Variants in ATP9A observed in about 807,000 individuals in gnomAD.
The protein encoded by ATP9A is ATPase phospholipid transporting 9A.
A neutral mutation model predicts 144.1 loss-of-function variants in ATP9A; 52 were observed. That is an observed-to-expected ratio of 0.36 (90% CI 0.29 to 0.45). The LOEUF is 0.45. ATP9A is among the 20% of genes least tolerant of loss of function. The probability of loss-of-function intolerance (pLI) is 1.00; values close to 1 mark genes in which losing one functional copy is unlikely to be tolerated. For synonymous variants in ATP9A, 582 were observed against 557.4 expected, an observed-to-expected ratio of 1.04 and a Z score of -0.62; for missense variants, 947 against 1,392.7, an observed-to-expected ratio of 0.68 and a Z score of 5.09.
chr20:51,702,288 T>A (rs1418400187), intron 4 of ATP9A, among the ~76,000 whole-genome samples: 1 of 113,486 alleles, frequency 8.8e-6, no homozygotes. Context: ...CAAGACTCTG[T>A]CTCAAAAAAA....
chr20:51,725,556 C>A (rs938853339), intron 3 of ATP9A, among the ~76,000 whole-genome samples: 4 of 152,182 alleles, frequency 2.6e-5, no homozygotes, highest in Non-Finnish European at 5.9e-5. Flanking sequence ...AATAAACATA[C>A]AATAAATCCT....
At chr20:51,606,008 G>A (rs952717732) in intron 26 of ATP9A, among the ~76,000 whole-genome samples, 1 of 151,892 alleles carries the variant, frequency 6.6e-6, no homozygotes, top group Non-Finnish European at 1.5e-5. Context: ...GGTGGCTTAC[G>A]CCTGTAATCC....
chr20:51,685,731 G>A (rs545170921), intron 9 of ATP9A, among the ~76,000 whole-genome samples: 51 of 152,324 alleles, frequency 3.3e-4, no homozygotes, highest in African/African-American at 1.1e-3. Flanking sequence ...TGACGGAGAG[G>A]ATGTGCAGAA....
intron 17 of ATP9A, among the ~76,000 whole-genome samples, chr20:51,626,043 T>TGCATTCCTGCACGCTGGATTTAG (rs1389053067): frequency 2.6e-5 from 4 of 152,222 alleles, no homozygotes; most frequent in Admixed American, 2.6e-4. Context: ...CTCCCTCCCT[T>TGCATTCCTGCACGCTGGATTTAG]GCATTCCTGC....
chr20:51,665,873 C>A (rs2077430828), intron 13 of ATP9A, among the ~76,000 whole-genome samples: 1 of 152,192 alleles, frequency 6.6e-6, no homozygotes, highest in African/African-American at 2.4e-5. Context: ...AGCTTTCCTG[C>A]AGGAATCTTT....
intron 3 of ATP9A, among the ~76,000 whole-genome samples, chr20:51,721,502 G>GA (rs1458744735): frequency 2.0e-5 from 3 of 151,946 alleles, no homozygotes; most frequent in Admixed American, 6.6e-5. Context: ...CACAGAATTA[G>GA]AAAAAACAAT....
intron 17 of ATP9A, among the ~76,000 whole-genome samples, chr20:51,625,755 G>T (rs2077245936): frequency 6.6e-6 from 1 of 152,158 alleles, no homozygotes; most frequent in Admixed American, 6.5e-5. Flanking sequence ...CCAAACTGTG[G>T]GTCACCAGGT....
In ATP9A at chr20:51,616,231, C is replaced by G. The variant is rs371805298; in HGVS notation, c.2415+1259G>C. 5.9e-5 allele frequency among the ~76,000 whole-genome samples: 9 copies of G among 152,302 alleles called. No homozygotes were observed. The South Asian group carries it at 1.9e-3, about 32-fold the overall frequency. ...GGGGAAAAAAAGCCCTATGGGTCAG[C>G]CAAAGTCATGAAGCTATGCAACAGG... On this transcript the variant is annotated intron_variant, in intron 22 of 27. Coordinates refer to ENST00000338821, the MANE Select transcript of ATP9A (RefSeq NM_006045.3).
intron 4 of ATP9A, among the ~76,000 whole-genome samples, chr20:51,703,752 T>G (rs1242351645): frequency 1.3e-5 from 2 of 152,122 alleles, no homozygotes; most frequent in Admixed American, 6.6e-5. Context: ...CCAAAAAAAT[T>G]TTTTTTAATA....
intron 1 of ATP9A, among the ~76,000 whole-genome samples, chr20:51,754,576 G>A (rs2077847814): frequency 6.6e-6 from 1 of 152,076 alleles, no homozygotes; most frequent in African/African-American, 2.4e-5. Context: ...ACTTTGAGAG[G>A]CCAAAAGTGG....
chr20:51,685,873 C>T (rs2122809835), intron 9 of ATP9A, among the ~76,000 whole-genome samples: 1 of 152,260 alleles, frequency 6.6e-6, no homozygotes, highest in East Asian at 1.9e-4. Flanking sequence ...TGGGTATATA[C>T]CCAAAGGATT....
At chr20:51,767,295 G>A (rs955068846) in intron 1 of ATP9A, among the ~76,000 whole-genome samples, 1 of 152,062 alleles carries the variant, frequency 6.6e-6, no homozygotes, top group Non-Finnish European at 1.5e-5. Context: ...CCTCACCTGC[G>A]CGGCCTGTGG....
intron 1 of ATP9A, among the ~76,000 whole-genome samples, chr20:51,742,801 C>T (rs1334589433): frequency 1.3e-5 from 2 of 152,172 alleles, no homozygotes; most frequent in African/African-American, 2.4e-5. Flanking sequence ...AGGCATGAGC[C>T]GCCGCACCTG....
intron 2 of ATP9A, among the ~76,000 whole-genome samples, chr20:51,727,940 A>G (rs1601131519): frequency 6.6e-6 from 1 of 152,124 alleles, no homozygotes; most frequent in Middle Eastern, 3.4e-3. Flanking sequence ...CAAAAAAAAA[A>G]AAAAAGCTAT....
chr20:51,669,934 A>G (rs1204338787), intron 13 of ATP9A, 63 bp downstream of exon 13: 4 of 1,079,038 alleles, frequency 3.7e-6, no homozygotes, highest in African/African-American at 1.7e-5. Context: ...ATTACATCTC[A>G]ATATAGCTGT....
intron 13 of ATP9A, among the ~76,000 whole-genome samples, chr20:51,664,001 G>A (rs2077422489): frequency 6.6e-6 from 1 of 152,050 alleles, no homozygotes; most frequent in African/African-American, 2.4e-5. Context: ...ACAGTTCACA[G>A]ACCAAAGTAT....
chr20:51,627,222 A>G (rs1429848183), intron 17 of ATP9A, among the ~76,000 whole-genome samples: 2 of 152,232 alleles, frequency 1.3e-5, no homozygotes, highest in Non-Finnish European at 2.9e-5. Flanking sequence ...TGGCCTCTCC[A>G]GATTCAACTC....
chr20:51,665,564 C>CA lies in ATP9A; in HGVS notation c.1293+4432dup, dbSNP rs530410981. 2.4e-3 allele frequency among the ~76,000 whole-genome samples: 358 copies of CA among 147,854 alleles called. 3 individuals are homozygous for CA. Among genetic ancestry groups the CA allele is most frequent in the African/African-American group, 7.3e-3 (295 of 40,416 alleles). On this transcript the variant is annotated intron_variant, in intron 13 of 27. Transcript: ENST00000338821. ...TGAAACCCCGTCTCTACCAAAAATA[C>CA]AAAAAAAAAATTAGCCAGGTGTGTT...
At chr20:51,762,469 T>C (rs1048857113) in intron 1 of ATP9A, among the ~76,000 whole-genome samples, 1 of 149,242 alleles carries the variant, frequency 6.7e-6, no homozygotes, top group African/African-American at 2.5e-5. Flanking sequence ...CACTCCAGCC[T>C]AGTGACAGAG....
Sources: allele counts gnomAD v4.1 joint callset (sites outside exome capture counted in the v4.1 genomes callset), GRCh38; gene constraint gnomAD v4.1.1; transcripts MANE v1.5; gene names NCBI Gene and HGNC (gene_info 2026-07-23, HGNC 2026-07-21).